The following CEP164 variants were observed in gnomAD, a reference collection of about 807,000 sequenced individuals.
CEP164 encodes centrosomal protein of 164 kDa.
CEP164 carries 162 observed loss-of-function variants against 182.7 expected under a neutral mutation model. The ratio of observed to expected loss-of-function variants is 0.89; its 90% confidence interval spans 0.78 to 1.01. The LOEUF is 1.01. Among genes scored for constraint, CEP164 ranks in the 50% least tolerant of loss-of-function variants. CEP164 has a pLI of 0.00. For synonymous variants in CEP164, 661 were observed against 690.0 expected (o/e 0.96, Z 0.66); for missense variants, 1,735 against 1,790.4 (o/e 0.97, Z 0.56).
chr11:117,401,896 A>C (rs1013745946), intron 27 of CEP164, among the ~76,000 whole-genome samples: 1 of 151,932 alleles, frequency 6.6e-6, no homozygotes, highest in Non-Finnish European at 1.5e-5. Context: ...CAGTCTATCT[A>C]TTTTGCTAAT....
chr11:117,359,160 T>A (rs938388004), intron 5 of CEP164, among the ~76,000 whole-genome samples: 1 of 152,108 alleles, frequency 6.6e-6, no homozygotes. Context: ...GTCAGGCTGG[T>A]CTTGAATTCC....
chr11:117,399,263 T>C (rs1037086370), intron 27 of CEP164, among the ~76,000 whole-genome samples: 2 of 152,230 alleles, frequency 1.3e-5, no homozygotes, highest in South Asian at 2.1e-4. Flanking sequence ...GTTAGTTTGC[T>C]GAGAATGATA....
chr11:117,396,556 A>G lies in CEP164; in HGVS notation c.3223A>G (p.Thr1075Ala). The change falls in exon 26 of 33, where the codon ACC becomes GCC. Residue 1075 changes from threonine to alanine, a missense_variant. By Grantham distance (58) the Thr-to-Ala change is moderately conservative (BLOSUM62 0). Transcript: ENST00000278935. ...DLRKSLGTNQTKEVSSSLSQS... is the reference protein window; with the variant it reads ...DLRKSLGTNQAKEVSSSLSQS... ...TTCTACCATGTGTCCCTAGAACCAG[A>G]CCAAAGAGGTGTCTTCTTCTCTCTC... 1 of 1,613,744 alleles carries G rather than the reference A, an allele frequency of 6.2e-7. No homozygotes were observed. Among genetic ancestry groups the G allele is most frequent in the Non-Finnish European group, 8.5e-7 (1 of 1,179,640 alleles).
In CEP164 at chr11:117,371,420, A is replaced by C. The variant is rs1196238853; in HGVS notation, c.1106A>C (p.Lys369Thr). The C allele has an allele frequency of 6.2e-7, 1 of 1,613,986 alleles. No individual in the cohort carries two copies. The highest frequency in any genetic ancestry group is 2.2e-5 in the East Asian group (1 of 44,884). Residue 369 changes from lysine (K) to threonine (T), a missense_variant, in exon 9 of 33, where the codon AAG becomes ACG. By Grantham distance (78) the Lys-to-Thr change is moderately conservative. Transcript: ENST00000278935. ...AGGGAAGAGGCAGCCAAGGAGCCAA[A>C]GAAGAAGGCTTCTGCTCTGGAAGAG... ...SRREEAAKEPKKKASALEEGS... is the reference protein window; with the variant it reads ...SRREEAAKEPTKKASALEEGS...
At chr11:117,383,148 G>C (rs1001956610) in intron 14 of CEP164, among the ~76,000 whole-genome samples, 2 of 152,112 alleles carry the variant, frequency 1.3e-5, no homozygotes, top group African/African-American at 4.8e-5. Flanking sequence ...GGTTAGCTTT[G>C]GTCTCTGGGG....
chr11:117,383,289 A>G (rs529293257), intron 14 of CEP164, among the ~76,000 whole-genome samples: 2 of 152,284 alleles, frequency 1.3e-5, no homozygotes, highest in South Asian at 2.1e-4. Flanking sequence ...TGAGGTATGT[A>G]TGTACACTGC....
At chr11:117,395,278 T>G (rs2136442009) in intron 23 of CEP164, 87 bp downstream of exon 23, 2 of 1,490,082 alleles carry the variant, frequency 1.3e-6, no homozygotes, top group Non-Finnish European at 1.9e-6. Flanking sequence ...GTTCATCTGA[T>G]CTGTCCAGGG....
Position 117,413,060 on chromosome 11 carries a change from C to T in CEP164, c.*892C>T, listed in dbSNP as rs2047505127. Reference sequence around the variant, plus strand: ...CCCTGCCCTGATTCCACGGCTGCCTCAGGCAGGCAGGCAAGGAGCTAGGCC... The same window carrying T: ...CCCTGCCCTGATTCCACGGCTGCCTTAGGCAGGCAGGCAAGGAGCTAGGCC... On this transcript the variant is annotated 3_prime_UTR_variant, in exon 33 of 33. Transcript: ENST00000278935. 6.6e-6 allele frequency: 1 copy of T among 152,196 alleles called. No homozygotes were observed. The highest frequency in any genetic ancestry group is 2.4e-5 in the African/African-American group (1 of 41,402). 9.4% of individuals were successfully genotyped at this position (152,196 alleles called of 1,614,324 possible).
chr11:117,360,361 T>A (rs983521980), intron 5 of CEP164, among the ~76,000 whole-genome samples: 1 of 152,072 alleles, frequency 6.6e-6, no homozygotes. Context: ...GTAGAGACAG[T>A]GTCTCACTGT....
At chr11:117,322,649 G>A (rs769102789) in intron 1 of CEP164, among the ~76,000 whole-genome samples, 10 of 151,196 alleles carry the variant, frequency 6.6e-5, no homozygotes, top group Admixed American at 3.3e-4. Flanking sequence ...TCTGCCTCCC[G>A]GGTGCAAGTG....
intron 1 of CEP164, among the ~76,000 whole-genome samples, chr11:117,332,276 A>T (rs897602071): frequency 2.0e-5 from 3 of 152,094 alleles, no homozygotes; most frequent in African/African-American, 7.2e-5. Flanking sequence ...ACACATTTTC[A>T]TAAAAAAAGT....
chr11:117,391,675 T>C (rs1378126971), intron 17 of CEP164, among the ~76,000 whole-genome samples: 6 of 152,154 alleles, frequency 3.9e-5, no homozygotes, highest in Non-Finnish European at 1.5e-5. Flanking sequence ...TTTCTTAGGA[T>C]GAGAGGCTAG....
intron 5 of CEP164, among the ~76,000 whole-genome samples, chr11:117,354,748 A>AT (rs1057302291): frequency 1.9e-3 from 277 of 147,956 alleles, no homozygotes; most frequent in Admixed American, 3.9e-3. Context: ...TTAAATTATT[A>AT]TTTTTTTTTG....
chr11:117,410,904 C>T lies in CEP164; in HGVS notation c.4163+10C>T. The T allele has an allele frequency of 6.2e-7, 1 of 1,611,756 alleles. No individual in the cohort carries two copies. The highest frequency in any genetic ancestry group is 8.5e-7 in the Non-Finnish European group (1 of 1,178,972). ...GTTACATGTCTGCCAGGTGAGCCTC[C>T]CTGGGGGCTGGTTGGGGTGGAACGT... is the stretch of plus-strand genomic sequence containing the variant. On this transcript the variant is annotated intron_variant, in intron 31 of 32. Coordinates refer to ENST00000278935, the MANE Select transcript of CEP164 (RefSeq NM_014956.5).
intron 3 of CEP164, among the ~76,000 whole-genome samples, chr11:117,339,896 C>T (rs988548324): frequency 1.1e-4 from 16 of 152,082 alleles, no homozygotes; most frequent in African/African-American, 3.6e-4. Context: ...CCCCATTTTA[C>T]AGATGAGGAA....
chr11:117,336,678 C>G, intron 2 of CEP164: 1 of 851,246 alleles, frequency 1.2e-6, no homozygotes, highest in Non-Finnish European at 2.0e-6. Flanking sequence ...GGGCTTGATG[C>G]GTTCTACCAG....
At chr11:117,351,732 T>C in intron 4 of CEP164, 58 bp from the exon 5 acceptor site, 2 of 1,511,906 alleles carry the variant, frequency 1.3e-6, no homozygotes, top group Admixed American at 2.0e-5. Flanking sequence ...TCCCCTCTTT[T>C]TTTTTTCTTC....
At chr11:117,328,701 A>G (rs2035711164) in intron 1 of CEP164, among the ~76,000 whole-genome samples, 1 of 152,054 alleles carries the variant, frequency 6.6e-6, no homozygotes, top group South Asian at 2.1e-4. Flanking sequence ...TTTTTATCTC[A>G]ATGAAGGGCT....
At chr11:117,331,957 A>G (rs907951542) in intron 1 of CEP164, among the ~76,000 whole-genome samples, 2 of 147,774 alleles carry the variant, frequency 1.4e-5, no homozygotes, top group African/African-American at 5.1e-5. Flanking sequence ...CTGGGACCAC[A>G]GGTGCACGCC....
Sources: allele counts gnomAD v4.1 joint callset (sites outside exome capture counted in the v4.1 genomes callset), GRCh38; gene constraint gnomAD v4.1.1; transcripts MANE v1.5; gene names NCBI Gene and HGNC (gene_info 2026-07-23, HGNC 2026-07-21).